TMEM67: variants seen among roughly 807,000 people sequenced by gnomAD.
TMEM67 encodes meckelin.
In TMEM67, 124 loss-of-function variants were observed where a neutral mutation model predicts 136.6. The observed-to-expected ratio is 0.91, with a 90% CI of 0.78 to 1.05. The LOEUF (loss-of-function observed/expected upper bound fraction) is 1.05. Ranked by LOEUF, TMEM67 falls within the 50% of genes least tolerant of loss-of-function variation. The pLI is 0.00. For missense variants in TMEM67, 1,107 were observed against 1,178.4 expected, an observed-to-expected ratio of 0.94 and a Z score of 0.89; for synonymous variants, 364 against 390.5, an observed-to-expected ratio of 0.93 and a Z score of 0.80.
chr8:93,757,427 A>G (rs1418410132), intron 2 of TMEM67, among the ~76,000 whole-genome samples: 2 of 151,990 alleles, frequency 1.3e-5, no homozygotes, highest in East Asian at 1.9e-4. Context: ...CACGAGGTCA[A>G]GAGATCAAGA....
intron 7 of TMEM67, among the ~76,000 whole-genome samples, chr8:93,776,336 C>A (rs1288446813): frequency 6.6e-6 from 1 of 152,088 alleles, no homozygotes. Flanking sequence ...AATTGAATAC[C>A]CTTTATTTCT....
chr8:93,766,204 A>G (rs373131588), intron 6 of TMEM67, among the ~76,000 whole-genome samples: 180 of 151,842 alleles, frequency 1.2e-3, no homozygotes, highest in African/African-American at 4.1e-3. Flanking sequence ...GCTCACTGCA[A>G]CCTCCGCCTC....
At chr8:93,811,515 G>A (rs181437300) in intron 26 of TMEM67, among the ~76,000 whole-genome samples, 3 of 152,172 alleles carry the variant, frequency 2.0e-5, no homozygotes, top group Admixed American at 2.0e-4. Context: ...ACTCTATCCT[G>A]TAAACCTGTT....
Position 93,797,473 on chromosome 8 carries a change from A to G in TMEM67, c.2100+3A>G, listed in dbSNP as rs376417882. 11 of 1,612,844 alleles carry G rather than the reference A, an allele frequency of 6.8e-6. No individual in the cohort carries two copies. The East Asian group carries it at 2.0e-4, about 29-fold the overall frequency. The stretch of plus-strand genomic sequence containing the variant: ...TTACTGTCCTCTTCTTTTTGGAGGT[A>G]TAAACTGTTTGATGTGATTATATGC... On this transcript the variant is annotated splice_donor_region_variant and intron_variant, in intron 20 of 27. Transcript: ENST00000453321.
At chr8:93,756,621 T>G (rs1041508131) in intron 2 of TMEM67, 3 of 152,168 alleles carry the variant, frequency 2.0e-5, no homozygotes, top group African/African-American at 7.2e-5. Context: ...ACCATTTATT[T>G]TATATCTTTA....
downstream of TMEM67, among the ~76,000 whole-genome samples, chr8:93,823,116 T>C (rs1809063949): frequency 6.6e-6 from 1 of 152,158 alleles, no homozygotes; most frequent in Non-Finnish European, 1.5e-5. Flanking sequence ...TTACCAAAAT[T>C]GAGTGGCTTT....
In TMEM67 at chr8:93,808,908, T is replaced by G; in HGVS notation, c.2508T>G (p.Ser836=). ...GTCAGACTTTTGAGATTGCAATTTC[T>G]AACCAGATGAGACAACATTATGACA... is the stretch of plus-strand genomic sequence containing the variant. ...TDGQTFEIAI[S]NQMRQHYDRI... is the part of the protein sequence containing the mutation. The change falls in exon 24 of 28, where the codon TCT becomes TCG. Residue 836 remains serine, a synonymous_variant. Transcript: ENST00000453321. The G allele has an allele frequency of 1.9e-6, 3 of 1,612,956 alleles. No homozygotes were observed. The highest frequency in any genetic ancestry group is 8.5e-7 in the Non-Finnish European group (1 of 1,179,114).
At chr8:93,809,010 ATAC>A in intron 24 of TMEM67, 44 bp from the exon 25 acceptor site, 1 of 1,536,102 alleles carries the variant, frequency 6.5e-7, no homozygotes, top group Non-Finnish European at 9.0e-7. Context: ...TGTTTTTTAG[ATAC>A]CAAGAACATA....
chr8:93,793,234 G>A lies in TMEM67; in HGVS notation c.1612G>A (p.Ala538Thr), dbSNP rs746028093. The A allele has an allele frequency of 8.1e-6, 13 of 1,613,948 alleles. No homozygotes were observed. The highest frequency in any genetic ancestry group is 1.1e-5 in the South Asian group (1 of 91,076). ...LGVLGGLAVL[A>T]SLLKTAGWKR... is the part of the protein sequence containing the mutation. The stretch of plus-strand genomic sequence containing the variant: ...TGTATTGGGTGGGCTAGCTGTTTTA[G>A]CATCTCTTTTGAAGACAGCAGGATG... The change falls in exon 16 of 28, where the codon GCA becomes ACA. Residue 538 changes from alanine to threonine, a missense_variant. By Grantham distance (58) the Ala-to-Thr change is moderately conservative (BLOSUM62 0). This residue lies in a region of TMEM67 where 925 missense variants were observed against 1,002.4 expected (regional missense o/e 0.92). Coordinates refer to ENST00000453321, the MANE Select transcript of TMEM67 (RefSeq NM_153704.6).
chr8:93,826,558 A>G, the TMEM67 span, among the ~76,000 whole-genome samples: 1 of 152,176 alleles, frequency 6.6e-6, no homozygotes, highest in South Asian at 2.1e-4. Context: ...AGTGGAAAGT[A>G]CACTGAACTG....
intron 15 of TMEM67, among the ~76,000 whole-genome samples, chr8:93,791,710 G>C (rs1032711212): frequency 2.0e-5 from 3 of 152,044 alleles, no homozygotes; most frequent in Non-Finnish European, 4.4e-5. Flanking sequence ...GGTTTGTCTG[G>C]TATTTTCCCA....
At chr8:93,772,102 T>G (rs1043157334) in intron 6 of TMEM67, among the ~76,000 whole-genome samples, 2 of 152,218 alleles carry the variant, frequency 1.3e-5, no homozygotes, top group Non-Finnish European at 2.9e-5. Flanking sequence ...CGTTTTTGTT[T>G]GGGATGAAGC....
intron 20 of TMEM67, among the ~76,000 whole-genome samples, chr8:93,798,943 G>GTA: frequency 2.6e-4 from 1 of 3,910 alleles, no homozygotes; most frequent in South Asian, 5.3e-3. Flanking sequence ...TACTAAAGTA[G>GTA]TGTGTGTGTG....
intron 17 of TMEM67, 36 bp downstream of exon 17, chr8:93,795,543 A>G (rs1469346973): frequency 2.7e-6 from 4 of 1,487,340 alleles, no homozygotes; most frequent in Non-Finnish European, 3.8e-6. Context: ...AACTGCCAAT[A>G]TCTGAATAGT....
Position 93,765,495 on chromosome 8 carries a change from T to G in TMEM67, c.576+20T>G, listed in dbSNP as rs1813042144. ...ATTTTAGTAAGGCTAACCAAATTGA[T>G]AAAGTATATATATTTTTAATTCAGT... On this transcript the variant is annotated intron_variant, in intron 5 of 27. Transcript: ENST00000453321. 6.2e-7 allele frequency: 1 copy of G among 1,607,536 alleles called. No homozygotes were observed. The highest frequency in any genetic ancestry group is 1.7e-5 in the Admixed American group (1 of 60,000).
Position 93,809,162 on chromosome 8 carries a change from G to C in TMEM67, c.2661+1G>C, listed in dbSNP as rs754125904. ...ATTTCTTGGCTCCTTCATTGACCAT[G>C]TATGTATGTCAACATTTATATTTAA... On this transcript the variant is annotated splice_donor_variant, in intron 25 of 27. Coordinates refer to ENST00000453321, the MANE Select transcript of TMEM67 (RefSeq NM_153704.6). LOFTEE classifies it high-confidence loss of function. 1.4e-6 allele frequency: 2 copies of C among 1,478,212 alleles called. No individual in the cohort carries two copies. Among genetic ancestry groups the C allele is most frequent in the South Asian group, 1.1e-5 (1 of 88,282 alleles). The allele number at this position is 1,478,212 out of a possible 1,614,324, so 91.6% of individuals were successfully genotyped here.
chr8:93,768,482 C>T (rs1182392617), intron 6 of TMEM67, among the ~76,000 whole-genome samples: 7 of 151,378 alleles, frequency 4.6e-5, no homozygotes, highest in Non-Finnish European at 1.5e-5. Context: ...TGTGGTGGTG[C>T]CCTCTGTAAC....
intron 16 of TMEM67, among the ~76,000 whole-genome samples, chr8:93,793,691 C>G (rs918481885): frequency 6.6e-6 from 1 of 151,964 alleles, no homozygotes; most frequent in Non-Finnish European, 1.5e-5. Flanking sequence ...TATCCCTTGC[C>G]CATTTCTCTA....
downstream of TMEM67, chr8:93,819,214 A>G (rs1809003383): frequency 2.3e-6 from 1 of 437,792 alleles, no homozygotes; most frequent in Admixed American, 2.6e-5. Flanking sequence ...TTGCTAATAA[A>G]TTAATAATAT....
Sources: allele counts gnomAD v4.1 joint callset (sites outside exome capture counted in the v4.1 genomes callset), GRCh38; gene constraint gnomAD v4.1.1; regional missense constraint gnomAD v4.1.1; transcripts MANE v1.5; gene names NCBI Gene and HGNC (gene_info 2026-07-23, HGNC 2026-07-21).